Variants in MRAS observed in about 807,000 individuals in gnomAD.
MRAS encodes the protein ras-related protein M-Ras.
Under a neutral mutation model 20.9 loss-of-function variants are expected in MRAS, and 4 were observed. That is an observed-to-expected ratio of 0.19 (90% CI 0.09 to 0.44). MRAS has a LOEUF of 0.44. MRAS is among the 20% of genes least tolerant of loss of function. MRAS has a pLI of 0.99. For missense variants in MRAS, 154 were observed against 277.5 expected (o/e 0.56, Z 3.16); for synonymous variants, 98 against 102.9 (o/e 0.95, Z 0.29).
intron 2 of MRAS, among the ~76,000 whole-genome samples, chr3:138,378,402 C>A (rs1431093044): frequency 6.6e-6 from 1 of 152,202 alleles, no homozygotes; most frequent in Admixed American, 6.5e-5. Context: ...GCTGTGGGAC[C>A]CCCAGGCTTT....
intron 1 of MRAS, among the ~76,000 whole-genome samples, chr3:138,361,916 AAAAT>A (rs1361181000): frequency 1.3e-5 from 2 of 152,214 alleles, no homozygotes; most frequent in Non-Finnish European, 2.9e-5. Context: ...CAAGGATTGA[AAAAT>A]AAAACCACTT....
At chr3:138,385,505 T>TA (rs2054993038) in intron 2 of MRAS, among the ~76,000 whole-genome samples, 1 of 150,228 alleles carries the variant, frequency 6.7e-6, no homozygotes, top group South Asian at 2.1e-4. Context: ...AATATATATA[T>TA]TTATTTATTT....
chr3:138,385,123 A>G (rs1576373053), intron 2 of MRAS, among the ~76,000 whole-genome samples: 2 of 134,124 alleles, frequency 1.5e-5, no homozygotes, highest in Admixed American at 7.9e-5. Context: ...TGGGAGGGAG[A>G]GGTGAGGCCA....
At chr3:138,350,146 A>G (rs534954638) in intron 1 of MRAS, 1 of 152,370 alleles carries the variant, frequency 6.6e-6, no homozygotes, top group East Asian at 1.9e-4. Context: ...GACTCGTGTC[A>G]GAAGCTTAGC....
At chr3:138,358,939 G>GGCT (rs1347901095) in intron 1 of MRAS, among the ~76,000 whole-genome samples, 2 of 152,110 alleles carry the variant, frequency 1.3e-5, no homozygotes, top group Non-Finnish European at 2.9e-5. Context: ...TCCAGCTGGT[G>GGCT]GCTGCTACCA....
intron 1 of MRAS, among the ~76,000 whole-genome samples, chr3:138,367,814 A>G (rs181930500): frequency 6.6e-6 from 1 of 152,254 alleles, no homozygotes. Flanking sequence ...CAGGGAAACA[A>G]CTTCAAACCA....
At chr3:138,379,966 T>C (rs2054865712) in intron 2 of MRAS, among the ~76,000 whole-genome samples, 1 of 152,200 alleles carries the variant, frequency 6.6e-6, no homozygotes, top group South Asian at 2.1e-4. Flanking sequence ...ACATTCTCTT[T>C]TCTCCACATC....
intron 1 of MRAS, among the ~76,000 whole-genome samples, chr3:138,365,381 C>A (rs1023127033): frequency 1.3e-5 from 2 of 152,158 alleles, no homozygotes; most frequent in Non-Finnish European, 2.9e-5. Flanking sequence ...TGGGAAAGAC[C>A]CAGTTATTGA....
At chr3:138,359,474 C>T (rs2054401706) in intron 1 of MRAS, among the ~76,000 whole-genome samples, 1 of 152,232 alleles carries the variant, frequency 6.6e-6, no homozygotes, top group African/African-American at 2.4e-5. Flanking sequence ...CTCTCCCCAC[C>T]TCAAGGAAGA....
At chr3:138,366,763 G>A (rs35766121) in intron 1 of MRAS, among the ~76,000 whole-genome samples, 2,390 of 152,324 alleles carry the variant, frequency 0.016, 24 homozygotes, top group Non-Finnish European at 0.025. Flanking sequence ...GTCCACTAAG[G>A]GTGGGCGTTG....
chr3:138,349,783 T>C (rs1053119634), intron 1 of MRAS: 2 of 152,232 alleles, frequency 1.3e-5, no homozygotes, highest in African/African-American at 2.4e-5. Context: ...GATGGAGATA[T>C]GACTTTAAGA....
chr3:138,350,992 G>T (rs931098266), intron 1 of MRAS, among the ~76,000 whole-genome samples: 1 of 151,558 alleles, frequency 6.6e-6, no homozygotes, highest in African/African-American at 2.4e-5. Context: ...CTTGGGGTTG[G>T]TTTGGTTCCT....
In MRAS at chr3:138,372,919, C is replaced by A; in HGVS notation, c.36C>A (p.Pro12=). The part of the protein sequence containing the change: ...ATSAVPSDNL[P]TYKLVVVGDG... ...GCGCCGTCCCCAGTGACAACCTCCC[C>A]ACATACAAGCTGGTGGTGGTGGGGG... Residue 12 remains proline, a synonymous_variant, in exon 2 of 6, where the codon CCC becomes CCA. Coordinates refer to ENST00000423968, the MANE Select transcript of MRAS (RefSeq NM_001085049.3). 2 of 1,550,216 alleles carry A rather than the reference C, an allele frequency of 1.3e-6. No individual in the cohort carries two copies. The highest frequency in any genetic ancestry group is 8.7e-7 in the Non-Finnish European group (1 of 1,155,362).
intron 2 of MRAS, among the ~76,000 whole-genome samples, chr3:138,396,281 G>C (rs2108559492): frequency 6.6e-6 from 1 of 152,310 alleles, no homozygotes; most frequent in East Asian, 1.9e-4. Flanking sequence ...CCCATTTTAG[G>C]AAATGGTGGC....
intron 2 of MRAS, among the ~76,000 whole-genome samples, chr3:138,373,615 G>A (rs2054719815): frequency 6.6e-6 from 1 of 152,224 alleles, no homozygotes; most frequent in South Asian, 2.1e-4. Context: ...AATTCTGAGG[G>A]TGGGCCCAAC....
At chr3:138,373,308 A>G (rs937972627) in intron 2 of MRAS, among the ~76,000 whole-genome samples, 1 of 152,270 alleles carries the variant, frequency 6.6e-6, no homozygotes, top group Non-Finnish European at 1.5e-5. Context: ...AGGGGAGGCT[A>G]GAATCATGCC....
intron 1 of MRAS, among the ~76,000 whole-genome samples, chr3:138,364,368 T>C (rs1295235358): frequency 6.6e-6 from 1 of 152,252 alleles, no homozygotes; most frequent in Non-Finnish European, 1.5e-5. Context: ...ACAGTCACTA[T>C]GTGCCAGGTA....
At chr3:138,371,325 C>T (rs968061105) in intron 1 of MRAS, among the ~76,000 whole-genome samples, 2 of 152,344 alleles carry the variant, frequency 1.3e-5, no homozygotes, top group Non-Finnish European at 2.9e-5. Flanking sequence ...ACATAACCCA[C>T]ATTTGTGTCC....
At chr3:138,352,392 C>A (rs2054246736) in intron 1 of MRAS, among the ~76,000 whole-genome samples, 1 of 152,202 alleles carries the variant, frequency 6.6e-6, no homozygotes, top group Admixed American at 6.5e-5. Flanking sequence ...TTTCTGCAGG[C>A]ATTCCTCTTG....
Sources: allele counts gnomAD v4.1 joint callset (sites outside exome capture counted in the v4.1 genomes callset), GRCh38; gene constraint gnomAD v4.1.1; transcripts MANE v1.5; gene names NCBI Gene and HGNC (gene_info 2026-07-23, HGNC 2026-07-21).